SLC35A5: variants seen among roughly 807,000 people sequenced by gnomAD.
The protein encoded by SLC35A5 is UDP-sugar transporter protein SLC35A5.
Under a neutral mutation model 36.3 loss-of-function variants are expected in SLC35A5, and 28 were observed. That is an observed-to-expected ratio of 0.77 (90% CI 0.57 to 1.06). The LOEUF (loss-of-function observed/expected upper bound fraction) is 1.06. SLC35A5 is among the 50% of genes least tolerant of loss of function. The pLI is 0.00. For missense variants in SLC35A5, 521 were observed against 499.3 expected, an observed-to-expected ratio of 1.04 and a Z score of -0.41; for synonymous variants, 180 against 173.7, an observed-to-expected ratio of 1.04 and a Z score of -0.29.
At position 112,581,059 on chromosome 3, in the gene SLC35A5, A is replaced by C; in HGVS notation, c.942A>C (p.Ala314=). 6.2e-7 allele frequency: 1 copy of C among 1,614,078 alleles called. No individual in the cohort carries two copies. Among genetic ancestry groups the C allele is most frequent in the Non-Finnish European group, 8.5e-7 (1 of 1,179,968 alleles). The change falls in exon 6 of 7, where the codon GCA becomes GCC. Residue 314 remains alanine, a synonymous_variant. Transcript: ENST00000492406. ...AFSVALIFVT[A]FQGLSVAFIL... is the part of the protein sequence containing the mutation. ...CAGTAGCCCTTATTTTTGTAACTGC[A>C]TTCCAGGGCCTTTCAGTGGCTTTCA...
chr3:112,574,668 GT>G (rs58919180), intron 5 of SLC35A5, among the ~76,000 whole-genome samples: 10,238 of 151,492 alleles, frequency 0.068, 431 homozygotes, highest in Admixed American at 0.12. Flanking sequence ...TATTAGATTT[GT>G]TTTTTTTAAA....
intron 5 of SLC35A5, among the ~76,000 whole-genome samples, chr3:112,579,071 A>G (rs2107444652): frequency 6.6e-6 from 1 of 152,356 alleles, no homozygotes; most frequent in Non-Finnish European, 1.5e-5. Context: ...GTGCACAGGT[A>G]TGCTGCTATC....
Position 112,580,907 on chromosome 3 carries a change from A to T in SLC35A5, c.790A>T (p.Ile264Phe), listed in dbSNP as rs1934882580. The T allele has an allele frequency of 6.2e-7, 1 of 1,614,064 alleles. No homozygotes were observed. Among genetic ancestry groups the T allele is most frequent in the Admixed American group, 1.7e-5 (1 of 59,988 alleles). The change falls in exon 6 of 7, where the codon ATC becomes TTC. Residue 264 changes from isoleucine to phenylalanine, a missense_variant. Transcript: ENST00000492406. ...LKEGNQLTES[I>F]FIQNSKLYFF... ...GGAAGGGAACCAGCTCACTGAAAGCATCTTCATACAGAACAGCAAACTCTA... is the reference window on the plus strand; with the variant it reads ...GGAAGGGAACCAGCTCACTGAAAGCTTCTTCATACAGAACAGCAAACTCTA...
intron 5 of SLC35A5, 135 bp from the exon 6 acceptor site, chr3:112,580,411 C>G: frequency 1.0e-6 from 1 of 965,566 alleles, no homozygotes; most frequent in Non-Finnish European, 1.5e-6. Context: ...TTTCTCTGAA[C>G]TTGAGTGGTA....
chr3:112,569,136 A>G (rs1324051741), intron 2 of SLC35A5, 35 bp from the exon 3 acceptor site: 1 of 1,512,726 alleles, frequency 6.6e-7, no homozygotes, highest in Admixed American at 1.7e-5. Flanking sequence ...ATGGAATAAA[A>G]TATATAGTTA....
At position 112,580,579 on chromosome 3, in the gene SLC35A5, C is replaced by G; in HGVS notation, c.462C>G (p.Leu154=). 7 of 1,613,878 alleles carry G rather than the reference C, an allele frequency of 4.3e-6. No homozygotes were observed. The highest frequency in any genetic ancestry group is 4.2e-6 in the Non-Finnish European group (5 of 1,179,878). The change falls in exon 6 of 7, where the codon CTC becomes CTG. Residue 154 remains leucine, a synonymous_variant. Coordinates refer to ENST00000492406, the MANE Select transcript of SLC35A5 (RefSeq NM_017945.5). ...RRLNWIQWAS[L]LTLFLSIVAL... ...TAAACTGGATCCAGTGGGCTTCCCT[C>G]CTGACTTTATTTTTGTCTATTGTGG...
At chr3:112,563,062 AATAC>A (rs1934007827) in intron 1 of SLC35A5, among the ~76,000 whole-genome samples, 1 of 152,210 alleles carries the variant, frequency 6.6e-6, no homozygotes, top group Non-Finnish European at 1.5e-5. Flanking sequence ...TCCGTCTCAA[AATAC>A]ATAAATAAAT....
intron 6 of SLC35A5, 22 bp downstream of exon 6, chr3:112,581,348 T>C: frequency 6.4e-7 from 1 of 1,550,574 alleles, no homozygotes; most frequent in Non-Finnish European, 8.7e-7. Flanking sequence ...AGGGTGTTCC[T>C]TTTTGCTTGT....
intron 6 of SLC35A5, 54 bp downstream of exon 6, chr3:112,581,380 G>A: frequency 2.0e-6 from 3 of 1,497,226 alleles, no homozygotes; most frequent in Non-Finnish European, 2.7e-6. Flanking sequence ...TTAAAGCATA[G>A]TTAATTCAAG....
chr3:112,573,744 T>G (rs1934551483), intron 4 of SLC35A5, 145 bp from the exon 5 acceptor site: 1 of 662,802 alleles, frequency 1.5e-6, no homozygotes, highest in South Asian at 1.9e-5. Flanking sequence ...AAACTGGAAT[T>G]TAATCCTTAG....
chr3:112,567,697 A>C (rs983338328), intron 2 of SLC35A5, among the ~76,000 whole-genome samples: 6 of 152,208 alleles, frequency 3.9e-5, no homozygotes, highest in Admixed American at 3.9e-4. Context: ...TGCCATGTAG[A>C]AAGGTATGTT....
At chr3:112,564,692 A>G (rs548395489) in intron 2 of SLC35A5, among the ~76,000 whole-genome samples, 59 of 152,284 alleles carry the variant, frequency 3.9e-4, no homozygotes, top group Admixed American at 1.8e-3. Context: ...TCAGACTATC[A>G]CATGGGGAGA....
intron 3 of SLC35A5, among the ~76,000 whole-genome samples, chr3:112,569,955 T>C (rs1240830875): frequency 1.3e-5 from 2 of 152,376 alleles, no homozygotes; most frequent in East Asian, 3.9e-4. Context: ...CTTTGCAGTT[T>C]CTCGTTAGTG....
intron 4 of SLC35A5, among the ~76,000 whole-genome samples, chr3:112,572,097 C>T (rs539866277): frequency 1.3e-3 from 190 of 150,188 alleles, no homozygotes; most frequent in African/African-American, 4.5e-3. Flanking sequence ...CGCCCGCCAC[C>T]GCGCCCGGCT....
chr3:112,577,083 A>T (rs55742760), intron 5 of SLC35A5, among the ~76,000 whole-genome samples: 10,124 of 91,050 alleles, frequency 0.11, 431 homozygotes, highest in Admixed American at 0.22. Context: ...TTTAAAAAAA[A>T]TTTTTTAAGA....
At chr3:112,570,435 A>T in intron 3 of SLC35A5, 105 bp from the exon 4 acceptor site, 1 of 1,314,278 alleles carries the variant, frequency 7.6e-7, no homozygotes, top group South Asian at 1.5e-5. Flanking sequence ...AGGCACGTTT[A>T]TAAAGCTCCC....
intron 4 of SLC35A5, among the ~76,000 whole-genome samples, chr3:112,572,848 C>A (rs1465921522): frequency 6.6e-6 from 1 of 152,166 alleles, no homozygotes; most frequent in Non-Finnish European, 1.5e-5. Flanking sequence ...TTGCACTGCC[C>A]TTAATGTGAT....
chr3:112,575,893 G>A (rs1181330964), intron 5 of SLC35A5, among the ~76,000 whole-genome samples: 2 of 151,192 alleles, frequency 1.3e-5, no homozygotes. Flanking sequence ...CCAAGTAGCT[G>A]GGAATATAGG....
At position 112,574,778 on chromosome 3, in the gene SLC35A5, A is replaced by C. The variant is rs189948434; in HGVS notation, c.428+822A>C. ...ATGAAAGGGTGACTGGCTTGGTACA[A>C]AGATTTAATTTGTTGAGTCCATGAT... On this transcript the variant is annotated intron_variant, in intron 5 of 6. Transcript: ENST00000492406. 3.4e-4 allele frequency among the ~76,000 whole-genome samples: 52 copies of C among 152,096 alleles called. No homozygotes were observed. The East Asian group carries it at 9.1e-3, about 27-fold the overall frequency.
Sources: gnomAD v4.1 joint callset for allele counts (sites outside exome capture counted in the v4.1 genomes callset) on GRCh38, gnomAD v4.1.1 for gene constraint, MANE v1.5 for transcripts, NCBI Gene and HGNC (gene_info 2026-07-23, HGNC 2026-07-21) for gene names.